MEGF11: variants seen among roughly 807,000 people sequenced by gnomAD.
MEGF11 encodes multiple epidermal growth factor-like domains protein 11.
MEGF11 carries 126 observed loss-of-function variants against 146.6 expected under a neutral mutation model. The observed-to-expected ratio is 0.86, with a 90% CI of 0.74 to 1.00. The LOEUF (loss-of-function observed/expected upper bound fraction) is 1.00, where lower values mean the gene tolerates loss of function less well. MEGF11 is among the 50% of genes least tolerant of loss of function. The pLI, the probability that MEGF11 is intolerant of heterozygous loss-of-function variation, is 0.00. For synonymous variants in MEGF11, 532 were observed against 583.4 expected (o/e 0.91, Z 1.27); for missense variants, 1,509 against 1,521.2 (o/e 0.99, Z 0.13).
rs547127778 is a variant in MEGF11, at chr15:66,114,153, G to A, written c.301+4933C>T. Reference sequence around the variant, plus strand: ...TTAAGTGCTTACCAAAGATACATTCGAATGAGTTGTGGTTTGTGAGCACCG... The same window carrying A: ...TTAAGTGCTTACCAAAGATACATTCAAATGAGTTGTGGTTTGTGAGCACCG... On this transcript the variant is annotated intron_variant, in intron 4 of 25. Coordinates refer to ENST00000395614, the MANE Select transcript of MEGF11 (RefSeq NM_001385028.1). 1.8e-4 allele frequency among the ~76,000 whole-genome samples: 28 copies of A among 152,296 alleles called. 2 individuals are homozygous for A. Among genetic ancestry groups the A allele is most frequent in the Admixed American group, 1.6e-3 (25 of 15,302 alleles).
intron 1 of MEGF11, among the ~76,000 whole-genome samples, chr15:66,163,019 C>CAA (rs980859281): frequency 5.3e-5 from 8 of 152,104 alleles, no homozygotes; most frequent in African/African-American, 1.9e-4. Flanking sequence ...ACATACTGCT[C>CAA]ATATACCCTG....
chr15:66,013,223 A>G (rs535676503), intron 5 of MEGF11, among the ~76,000 whole-genome samples: 2 of 152,308 alleles, frequency 1.3e-5, no homozygotes, highest in Admixed American at 6.5e-5. Context: ...TCTGGCCTCC[A>G]TCGTCAGTCA....
chr15:66,043,882 C>T (rs372048025), intron 5 of MEGF11, among the ~76,000 whole-genome samples: 21 of 152,310 alleles, frequency 1.4e-4, no homozygotes, highest in African/African-American at 3.6e-4. Flanking sequence ...TCAACCAGCA[C>T]GATGCCTGGG....
chr15:66,126,767 T>G (rs1465095761), intron 2 of MEGF11, among the ~76,000 whole-genome samples: 1 of 152,120 alleles, frequency 6.6e-6, no homozygotes, highest in Non-Finnish European at 1.5e-5. Flanking sequence ...CAGAATAACG[T>G]GGGGCTCTTC....
chr15:66,014,402 T>C (rs901380084), intron 5 of MEGF11, among the ~76,000 whole-genome samples: 1 of 152,176 alleles, frequency 6.6e-6, no homozygotes, highest in African/African-American at 2.4e-5. Flanking sequence ...ATCTGCCCCT[T>C]AGGGTGGCTC....
Position 65,911,731 on chromosome 15 carries a change from T to C in MEGF11, c.2829+351A>G, listed in dbSNP as rs532880783. On this transcript the variant is annotated intron_variant, in intron 21 of 25. Transcript: ENST00000395614. Reference sequence around the variant, plus strand: ...CAGCCTACAAGGTGGTCTAGTGTTTTGATTACGTGTTGACATGTGGCAAAA... The same window carrying C: ...CAGCCTACAAGGTGGTCTAGTGTTTCGATTACGTGTTGACATGTGGCAAAA... Among the ~76,000 whole-genome samples the C allele has an allele frequency of 5.9e-5, 9 of 152,326 alleles. No homozygotes were observed. The South Asian group carries it at 1.9e-3, about 32-fold the overall frequency.
At chr15:66,161,189 T>C (rs1391786303) in intron 1 of MEGF11, among the ~76,000 whole-genome samples, 1 of 151,966 alleles carries the variant, frequency 6.6e-6, no homozygotes, top group Non-Finnish European at 1.5e-5. Context: ...TCTCAGAAAA[T>C]CTTGACAGGC....
At chr15:66,191,072 G>A (rs1303591682) in intron 1 of MEGF11, among the ~76,000 whole-genome samples, 2 of 152,138 alleles carry the variant, frequency 1.3e-5, no homozygotes, top group Non-Finnish European at 2.9e-5. Flanking sequence ...AGAAAAGCAA[G>A]TTTCTCCCCC....
intron 10 of MEGF11, among the ~76,000 whole-genome samples, chr15:65,953,543 G>A (rs1352006300): frequency 1.3e-5 from 2 of 152,212 alleles, no homozygotes; most frequent in Non-Finnish European, 2.9e-5. Context: ...TAAGTCAGAC[G>A]AAGCATGCAG....
intron 5 of MEGF11, among the ~76,000 whole-genome samples, chr15:66,036,159 AC>A (rs1185862756): frequency 2.0e-5 from 3 of 152,100 alleles, no homozygotes; most frequent in Non-Finnish European, 4.4e-5. Flanking sequence ...AGTGATAACC[AC>A]CCCAGGTCTG....
chr15:65,990,489 G>T (rs1304302986), intron 5 of MEGF11, among the ~76,000 whole-genome samples: 2 of 151,966 alleles, frequency 1.3e-5, no homozygotes, highest in Admixed American at 1.3e-4. Context: ...AGGTCGGGCT[G>T]CAGTGAGCTG....
chr15:66,051,813 G>T (rs1008574833), intron 5 of MEGF11, among the ~76,000 whole-genome samples: 1 of 152,200 alleles, frequency 6.6e-6, no homozygotes, highest in African/African-American at 2.4e-5. Flanking sequence ...GCACCTGTTC[G>T]TTCAGGTGCT....
chr15:65,966,642 G>T lies in MEGF11; in HGVS notation c.900-1522C>A, dbSNP rs537830071. Among the ~76,000 whole-genome samples, 8 of 152,250 alleles carry T rather than the reference G, an allele frequency of 5.3e-5. No individual in the cohort carries two copies. In the East Asian group the frequency reaches 1.4e-3, roughly 26 times the overall value. On this transcript the variant is annotated intron_variant, in intron 8 of 25. Transcript: ENST00000395614. ...TGGAAGAAGGTCCCCTCAAGGTAGG[G>T]TCTGAGTCTCTCCCATCAGCCTGTG...
intron 5 of MEGF11, among the ~76,000 whole-genome samples, chr15:66,053,123 G>A (rs2084519961): frequency 6.6e-6 from 1 of 152,032 alleles, no homozygotes; most frequent in African/African-American, 2.4e-5. Flanking sequence ...TGGGTGGGTG[G>A]GCCAGTGAAT....
chr15:65,976,671 A>G (rs1389714262), intron 7 of MEGF11, among the ~76,000 whole-genome samples: 2 of 152,206 alleles, frequency 1.3e-5, no homozygotes, highest in African/African-American at 4.8e-5. Flanking sequence ...GCACTTTGTT[A>G]TGGCAGCCTC....
At chr15:66,122,994 A>AC (rs2088122258) in intron 3 of MEGF11, among the ~76,000 whole-genome samples, 2 of 152,162 alleles carry the variant, frequency 1.3e-5, no homozygotes, top group Non-Finnish European at 2.9e-5. Context: ...TGTGTTAGCC[A>AC]GGATGATCTC....
intron 24 of MEGF11, 137 bp from the exon 25 acceptor site, chr15:65,899,071 A>G: frequency 3.6e-6 from 3 of 824,638 alleles, no homozygotes; most frequent in Non-Finnish European, 5.6e-6. Context: ...AGATTTATTT[A>G]CTTATTAAAT....
chr15:66,183,068 T>C (rs2090595727), intron 1 of MEGF11, among the ~76,000 whole-genome samples: 1 of 152,196 alleles, frequency 6.6e-6, no homozygotes, highest in South Asian at 2.1e-4. Flanking sequence ...TGTAGCACAA[T>C]AAAATGTATG....
At chr15:66,172,175 CAGG>C (rs2090277236) in intron 1 of MEGF11, among the ~76,000 whole-genome samples, 2 of 152,210 alleles carry the variant, frequency 1.3e-5, no homozygotes, top group Admixed American at 6.5e-5. Context: ...GTTTGCTCGG[CAGG>C]AGAATGACCA....
Sources: allele counts gnomAD v4.1 joint callset (sites outside exome capture counted in the v4.1 genomes callset), GRCh38; gene constraint gnomAD v4.1.1; transcripts MANE v1.5; gene names NCBI Gene and HGNC (gene_info 2026-07-23, HGNC 2026-07-21).